The following IL1RAPL2 variants were observed in gnomAD, a reference collection of about 807,000 sequenced individuals.
IL1RAPL2 encodes interleukin 1 receptor accessory protein like 2, also known as X-linked interleukin-1 receptor accessory protein-like 2.
IL1RAPL2 carries 3 observed loss-of-function variants against 44.1 expected under a neutral mutation model. That is an observed-to-expected ratio of 0.07 (90% confidence interval 0.03 to 0.18). The LOEUF (loss-of-function observed/expected upper bound fraction) is 0.18. IL1RAPL2 is among the 10% of genes least tolerant of loss of function. The probability of loss-of-function intolerance (pLI) is 1.00; values close to 1 mark genes in which losing one functional copy is unlikely to be tolerated. For missense variants in IL1RAPL2, 391 were observed against 496.4 expected, an observed-to-expected ratio of 0.79 and a Z score of 2.02; for synonymous variants, 181 against 178.8, an observed-to-expected ratio of 1.01 and a Z score of -0.10.
At chrX:105,411,758 G>A (rs2035697651) in intron 5 of IL1RAPL2, among the ~76,000 whole-genome samples, 1 of 111,551 alleles carries the variant, frequency 9.0e-6, no homozygotes, top group South Asian at 3.7e-4. Context: ...TAGAAAGAAA[G>A]TCAACAAAGA....
At chrX:105,652,249 C>T (rs1315552909) in intron 6 of IL1RAPL2, among the ~76,000 whole-genome samples, 3 of 111,636 alleles carry the variant, frequency 2.7e-5, no homozygotes, top group African/African-American at 9.8e-5. Context: ...CCATCAAATG[C>T]CAGAGGCTCC....
At chrX:105,536,095 G>C (rs1167308732) in intron 6 of IL1RAPL2, among the ~76,000 whole-genome samples, 1 of 110,289 alleles carries the variant, frequency 9.1e-6, no homozygotes, top group Non-Finnish European at 1.9e-5. Context: ...TAATATGTGA[G>C]GTTTTTAAAT....
At chrX:105,419,373 C>T (rs760741333) in intron 5 of IL1RAPL2, among the ~76,000 whole-genome samples, 4 of 111,517 alleles carry the variant, frequency 3.6e-5, no homozygotes, top group South Asian at 3.7e-4. Context: ...AAGTAGCATT[C>T]GGTATAATAA....
At chrX:105,582,187 T>C (rs1011623592) in intron 6 of IL1RAPL2, among the ~76,000 whole-genome samples, 4 of 111,847 alleles carry the variant, frequency 3.6e-5, no homozygotes, top group African/African-American at 1.3e-4. Flanking sequence ...AAAATCAATA[T>C]TGTCTTGATG....
chrX:105,268,276 T>G (rs1379789580), intron 5 of IL1RAPL2, among the ~76,000 whole-genome samples: 1 of 111,630 alleles, frequency 9.0e-6, no homozygotes, highest in Non-Finnish European at 1.9e-5. Flanking sequence ...CCTATTATTA[T>G]ATCTGTCATG....
intron 2 of IL1RAPL2, among the ~76,000 whole-genome samples, chrX:104,925,382 C>A (rs186420801): frequency 9.0e-6 from 1 of 110,867 alleles, no homozygotes; most frequent in South Asian, 3.9e-4. Flanking sequence ...GATACCAAGA[C>A]CTGGCAGAGA....
At chrX:105,086,097 A>G (rs1299911775) in intron 2 of IL1RAPL2, among the ~76,000 whole-genome samples, 2 of 111,431 alleles carry the variant, frequency 1.8e-5, no homozygotes, top group Non-Finnish European at 3.8e-5. Context: ...ATGTCGTTCC[A>G]GTGTCAACAG....
At chrX:105,268,159 T>C (rs943840325) in intron 5 of IL1RAPL2, among the ~76,000 whole-genome samples, 3 of 111,587 alleles carry the variant, frequency 2.7e-5, no homozygotes, top group African/African-American at 9.8e-5. Flanking sequence ...TAAGACAGAA[T>C]CTAATACCAA....
At chrX:104,880,309 G>A (rs1420993687) in intron 2 of IL1RAPL2, among the ~76,000 whole-genome samples, 1 of 111,065 alleles carries the variant, frequency 9.0e-6, no homozygotes, top group Non-Finnish European at 1.9e-5. Context: ...GCCAGAGATT[G>A]GCACCCTTCC....
At chrX:105,016,490 G>A (rs1457110805) in intron 2 of IL1RAPL2, among the ~76,000 whole-genome samples, 1 of 111,075 alleles carries the variant, frequency 9.0e-6, no homozygotes, top group Non-Finnish European at 1.9e-5. Context: ...TACATTCCAT[G>A]AATACCTAGT....
At chrX:105,288,857 A>C (rs1291686129) in intron 5 of IL1RAPL2, among the ~76,000 whole-genome samples, 4 of 110,671 alleles carry the variant, frequency 3.6e-5, no homozygotes, top group Non-Finnish European at 7.6e-5. Context: ...TTTCAATTAG[A>C]ATTCTTATAT....
chrX:105,095,704 A>G (rs976213901), intron 2 of IL1RAPL2, among the ~76,000 whole-genome samples: 2 of 112,207 alleles, frequency 1.8e-5, no homozygotes, highest in Non-Finnish European at 3.8e-5. Flanking sequence ...AAACTAGCTC[A>G]AAGAGGTAGA....
rs210726 is a variant in IL1RAPL2 at position 105,581,334 on chromosome X, A to G, written c.772+96947A>G. Among the ~76,000 whole-genome samples the G allele has an allele frequency of 8.6e-3, 965 of 112,058 alleles. 10 individuals are homozygous for G. Among genetic ancestry groups the G allele is most frequent in the South Asian group, 0.084 (228 of 2,701 alleles). On this transcript the variant is annotated intron_variant, in intron 6 of 10. Transcript: ENST00000372582. ...AATAATGAAGAAGAAATTAAAAATT[A>G]CCTATGCTTCTAGAATTTAAAGACA...
intron 6 of IL1RAPL2, among the ~76,000 whole-genome samples, chrX:105,675,839 C>T (rs920424729): frequency 1.8e-5 from 2 of 111,565 alleles, no homozygotes; most frequent in African/African-American, 3.3e-5. Flanking sequence ...AATTTTGGAA[C>T]TTATTATTGG....
intron 2 of IL1RAPL2, among the ~76,000 whole-genome samples, chrX:104,958,082 G>A (rs1183734676): frequency 1.8e-5 from 2 of 111,376 alleles, no homozygotes; most frequent in Admixed American, 9.5e-5. Context: ...GACAGAGTGG[G>A]ACCCTGTCTC....
intron 2 of IL1RAPL2, among the ~76,000 whole-genome samples, chrX:105,116,423 TATC>T (rs1445376627): frequency 8.8e-6 from 1 of 113,074 alleles, no homozygotes; most frequent in Non-Finnish European, 1.9e-5. Flanking sequence ...CTGCAACTAT[TATC>T]ATTATCATGA....
At chrX:104,643,138 T>C in intron 1 of IL1RAPL2, among the ~76,000 whole-genome samples, 1 of 112,069 alleles carries the variant, frequency 8.9e-6, no homozygotes, top group Non-Finnish European at 1.9e-5. Context: ...TTTTAAACCA[T>C]TGCTAGTTTG....
chrX:105,414,708 A>G (rs950972676), intron 5 of IL1RAPL2, among the ~76,000 whole-genome samples: 14 of 111,722 alleles, frequency 1.3e-4, no homozygotes, highest in African/African-American at 4.6e-4. Flanking sequence ...TCACTCAGGT[A>G]TACCTTCTCT....
chrX:105,569,509 C>A (rs987741945), intron 6 of IL1RAPL2, among the ~76,000 whole-genome samples: 4 of 111,463 alleles, frequency 3.6e-5, no homozygotes, highest in African/African-American at 1.3e-4. Context: ...CCTGTAATTT[C>A]TTGATGGGAG....
Sources: gnomAD v4.1 joint callset for allele counts (sites outside exome capture counted in the v4.1 genomes callset) on GRCh38, gnomAD v4.1.1 for gene constraint, MANE v1.5 for transcripts, NCBI Gene and HGNC (gene_info 2026-07-23, HGNC 2026-07-21) for gene names.